Variants in MCTP1 observed in about 807,000 individuals in gnomAD.
The protein encoded by MCTP1 is multiple C2 and transmembrane domain containing 1, also known as multiple C2 and transmembrane domain-containing protein 1.
A neutral mutation model predicts 120.6 loss-of-function variants in MCTP1; 69 were observed. That is an observed-to-expected ratio of 0.57 (90% CI 0.47 to 0.70). MCTP1 has a LOEUF of 0.70. Ranked by LOEUF, MCTP1 falls within the 30% of genes least tolerant of loss-of-function variation. MCTP1 has a pLI of 0.00. For missense variants in MCTP1, 1,203 were observed against 1,248.8 expected, an observed-to-expected ratio of 0.96 and a Z score of 0.55; for synonymous variants, 529 against 493.1, an observed-to-expected ratio of 1.07 and a Z score of -0.96.
chr5:95,229,497 G>A (rs560737859), intron 1 of MCTP1, among the ~76,000 whole-genome samples: 21 of 152,262 alleles, frequency 1.4e-4, no homozygotes, highest in African/African-American at 4.8e-4. Flanking sequence ...ACTCACGCCT[G>A]TAATCCCAGC....
intron 8 of MCTP1, among the ~76,000 whole-genome samples, chr5:94,915,270 T>C (rs996437150): frequency 6.6e-6 from 1 of 152,216 alleles, no homozygotes; most frequent in Non-Finnish European, 1.5e-5. Context: ...GGTAGATATA[T>C]GACTAGAACC....
At chr5:94,840,776 A>C (rs1052910873) in intron 17 of MCTP1, among the ~76,000 whole-genome samples, 2 of 152,218 alleles carry the variant, frequency 1.3e-5, no homozygotes, top group Non-Finnish European at 2.9e-5. Flanking sequence ...AATATTTGCA[A>C]TATAGTCTAG....
In MCTP1 at chr5:94,933,316, G is replaced by C. The variant is rs186407567; in HGVS notation, c.1174-1325C>G. 8.6e-5 allele frequency among the ~76,000 whole-genome samples: 13 copies of C among 151,836 alleles called. No individual in the cohort carries two copies. In the East Asian group the frequency reaches 2.5e-3, roughly 29 times the overall value. Reference sequence around the variant, plus strand: ...CAACAAATCCCAGCATTGGGTTATAGAGGTGGCCATCTAGGGGGACATGTA... The same window carrying C: ...CAACAAATCCCAGCATTGGGTTATACAGGTGGCCATCTAGGGGGACATGTA... On this transcript the variant is annotated intron_variant, in intron 5 of 22. Coordinates refer to ENST00000515393, the MANE Select transcript of MCTP1 (RefSeq NM_024717.7).
intron 1 of MCTP1, among the ~76,000 whole-genome samples, chr5:95,184,578 A>G (rs1477424906): frequency 1.3e-5 from 2 of 152,200 alleles, no homozygotes; most frequent in Non-Finnish European, 1.5e-5. Context: ...AACAAAACTG[A>G]TAACAGCCCT....
chr5:95,118,627 C>A (rs1007282836), intron 1 of MCTP1, among the ~76,000 whole-genome samples: 1 of 152,094 alleles, frequency 6.6e-6, no homozygotes, highest in East Asian at 1.9e-4. Context: ...ATCTAATGAT[C>A]CGTTGCCTAC....
chr5:95,254,220 T>C (rs1160500932), intron 1 of MCTP1, among the ~76,000 whole-genome samples: 3 of 152,152 alleles, frequency 2.0e-5, no homozygotes, highest in African/African-American at 7.2e-5. Flanking sequence ...ATTATATTGA[T>C]AGGGATAATT....
In MCTP1 at chr5:95,181,780, G is replaced by A. The variant is rs190919166; in HGVS notation, c.720+102076C>T. ...TACAAAATTTGCCACCAGCCCTTCA[G>A]TCCACAAATCGCTATGTGAAAAGAG... On this transcript the variant is annotated intron_variant, in intron 1 of 22. Transcript: ENST00000515393. 9.1e-4 allele frequency among the ~76,000 whole-genome samples: 139 copies of A among 152,228 alleles called. 1 individual carries two copies. Among genetic ancestry groups the A allele is most frequent in the African/African-American group, 3.1e-3 (129 of 41,538 alleles).
intron 17 of MCTP1, among the ~76,000 whole-genome samples, chr5:94,829,369 G>A (rs1787999941): frequency 6.6e-6 from 1 of 152,184 alleles, no homozygotes; most frequent in Non-Finnish European, 1.5e-5. Context: ...CCTGCCTTCT[G>A]CGTTGGTCTC....
intron 1 of MCTP1, among the ~76,000 whole-genome samples, chr5:95,239,373 T>G (rs976257871): frequency 1.3e-5 from 2 of 152,198 alleles, no homozygotes; most frequent in African/African-American, 4.8e-5. Flanking sequence ...AATGCCTTAA[T>G]GGAAAAGCCC....
intron 7 of MCTP1, among the ~76,000 whole-genome samples, chr5:94,921,481 T>A (rs159492): frequency 0.3 from 44,929 of 152,142 alleles, 7,292 homozygotes; most frequent in South Asian, 0.42. Context: ...TTTATTTCAA[T>A]TCACATCCTG....
chr5:95,283,726 T>C, intron 1 of MCTP1, 130 bp downstream of exon 1: 1 of 628,118 alleles, frequency 1.6e-6, no homozygotes, highest in Non-Finnish European at 2.3e-6. Context: ...GACTGTTTCA[T>C]CTACTTAGAA....
At chr5:95,176,328 T>A (rs111934136) in intron 1 of MCTP1, among the ~76,000 whole-genome samples, 5 of 151,942 alleles carry the variant, frequency 3.3e-5, no homozygotes, top group Admixed American at 1.3e-4. Context: ...AGTTCGAGAC[T>A]AGCCTGGCCA....
At chr5:95,035,651 A>G (rs1841160186) in intron 1 of MCTP1, among the ~76,000 whole-genome samples, 1 of 152,110 alleles carries the variant, frequency 6.6e-6, no homozygotes, top group African/African-American at 2.4e-5. Flanking sequence ...GGTTCACTAG[A>G]AGCCCAAACA....
intron 1 of MCTP1, among the ~76,000 whole-genome samples, chr5:95,056,864 T>TACAC (rs139734500): frequency 6.6e-6 from 1 of 151,330 alleles, no homozygotes; most frequent in African/African-American, 2.4e-5. Flanking sequence ...TTCATCCCAA[T>TACAC]ACACACACAC....
At chr5:95,212,287 C>A (rs964489416) in intron 1 of MCTP1, among the ~76,000 whole-genome samples, 1 of 152,304 alleles carries the variant, frequency 6.6e-6, no homozygotes, top group African/African-American at 2.4e-5. Flanking sequence ...TTCCTCCACA[C>A]ATACCCTCTC....
At chr5:95,217,276 T>C (rs1753142868) in intron 1 of MCTP1, among the ~76,000 whole-genome samples, 2 of 152,350 alleles carry the variant, frequency 1.3e-5, no homozygotes, top group Admixed American at 1.3e-4. Flanking sequence ...AATTTGCTTT[T>C]ATCAGAGCTT....
intron 1 of MCTP1, among the ~76,000 whole-genome samples, chr5:95,265,332 G>T (rs1157420268): frequency 6.6e-6 from 1 of 152,118 alleles, no homozygotes; most frequent in Non-Finnish European, 1.5e-5. Context: ...GGGCTTCCAG[G>T]CAAGGAGCTA....
At chr5:94,866,728 C>G (rs987607286) in intron 17 of MCTP1, among the ~76,000 whole-genome samples, 3 of 151,100 alleles carry the variant, frequency 2.0e-5, no homozygotes, top group African/African-American at 7.3e-5. Flanking sequence ...CTAAGTTGTT[C>G]AGAATTCCAG....
intron 2 of MCTP1, among the ~76,000 whole-genome samples, chr5:94,961,589 A>G (rs1269213310): frequency 6.6e-6 from 1 of 152,096 alleles, no homozygotes; most frequent in Non-Finnish European, 1.5e-5. Flanking sequence ...ATATCATACC[A>G]TTTCTCATCT....
Sources: allele counts gnomAD v4.1 joint callset (sites outside exome capture counted in the v4.1 genomes callset), GRCh38; gene constraint gnomAD v4.1.1; transcripts MANE v1.5; gene names NCBI Gene and HGNC (gene_info 2026-07-23, HGNC 2026-07-21).